The following TRDN variants were observed in gnomAD, a reference collection of about 807,000 sequenced individuals.
The protein encoded by TRDN is triadin.
Under a neutral mutation model 149.7 loss-of-function variants are expected in TRDN, and 161 were observed. The ratio of observed to expected loss-of-function variants is 1.08; its 90% CI spans 0.95 to 1.23. The LOEUF (loss-of-function observed/expected upper bound fraction) is 1.23. TRDN is among the 50% of genes most tolerant of loss of function. TRDN has a pLI of 0.00. For missense variants in TRDN, 896 were observed against 823.5 expected (o/e 1.09, Z -1.08); for synonymous variants, 294 against 250.5 (o/e 1.17, Z -1.64).
intron 21 of TRDN, chr6:123,351,226 T>C (rs981197647): frequency 1.0e-6 from 1 of 980,454 alleles, no homozygotes; most frequent in East Asian, 1.1e-4. Flanking sequence ...AATGCCTAAG[T>C]ATCTGTTACA....
chr6:123,346,231 C>A (rs1218546493), intron 21 of TRDN, among the ~76,000 whole-genome samples: 2 of 151,960 alleles, frequency 1.3e-5, no homozygotes, highest in African/African-American at 4.8e-5. Flanking sequence ...GAGTTTTTAA[C>A]CATCAATGGG....
chr6:123,257,419 T>C (rs1233728296), intron 35 of TRDN, among the ~76,000 whole-genome samples: 5 of 152,216 alleles, frequency 3.3e-5, no homozygotes, highest in Admixed American at 1.3e-4. Context: ...CCATTGCTTG[T>C]TTTTGTCAGG....
At chr6:123,343,422 T>C (rs1391823077) in intron 21 of TRDN, among the ~76,000 whole-genome samples, 1 of 151,962 alleles carries the variant, frequency 6.6e-6, no homozygotes, top group Non-Finnish European at 1.5e-5. Context: ...ATTCTCATTA[T>C]AGTGTAACTG....
intron 4 of TRDN, among the ~76,000 whole-genome samples, chr6:123,545,447 A>G (rs1049354985): frequency 2.0e-5 from 3 of 151,930 alleles, no homozygotes; most frequent in African/African-American, 7.2e-5. Context: ...CATAAAAAAT[A>G]ATAATTACAA....
intron 9 of TRDN, among the ~76,000 whole-genome samples, chr6:123,478,802 C>T (rs1777616733): frequency 6.6e-6 from 1 of 152,156 alleles, no homozygotes; most frequent in Non-Finnish European, 1.5e-5. Context: ...ATCCTCAAAG[C>T]TTAGCTCTTT....
At chr6:123,601,859 T>C (rs1459190894) in intron 1 of TRDN, among the ~76,000 whole-genome samples, 1 of 152,110 alleles carries the variant, frequency 6.6e-6, no homozygotes, top group Non-Finnish European at 1.5e-5. Context: ...TATCAACTGA[T>C]CTACTTGAGG....
intron 1 of TRDN, among the ~76,000 whole-genome samples, chr6:123,635,872 G>T (rs1258057337): frequency 6.6e-6 from 1 of 151,724 alleles, no homozygotes; most frequent in East Asian, 1.9e-4. Context: ...TAGTTTTGAA[G>T]GTTTCCTTCA....
intron 13 of TRDN, among the ~76,000 whole-genome samples, chr6:123,390,013 A>G (rs1562290825): frequency 1.3e-5 from 2 of 152,228 alleles, no homozygotes; most frequent in Middle Eastern, 3.4e-3. Flanking sequence ...AAATTTTACA[A>G]TTTTCAAAAT....
chr6:123,587,303 G>A (rs1430556085), intron 1 of TRDN, among the ~76,000 whole-genome samples: 4 of 152,156 alleles, frequency 2.6e-5, no homozygotes, highest in Non-Finnish European at 5.9e-5. Flanking sequence ...TGGCGCCAGA[G>A]TTTTGGGTCC....
intron 12 of TRDN, among the ~76,000 whole-genome samples, chr6:123,413,440 G>T (rs999213071): frequency 6.6e-6 from 1 of 152,170 alleles, no homozygotes; most frequent in African/African-American, 2.4e-5. Flanking sequence ...GAAAGTACTG[G>T]TTATAAAAAA....
rs529234448 is a variant in TRDN, at chr6:123,465,928, T to C, written c.854-945A>G. Among the ~76,000 whole-genome samples the C allele has an allele frequency of 3.3e-5, 5 of 152,330 alleles. No homozygotes were observed. In the South Asian group the frequency reaches 1.0e-3, roughly 32 times the overall value. The stretch of plus-strand genomic sequence containing the variant: ...TTTTAGAATTCACCAAAATTAGTTA[T>C]CTATGGTGTAATATGGTTTAGCAAG... On this transcript the variant is annotated intron_variant, in intron 9 of 40. Transcript: ENST00000334268.
At chr6:123,263,443 A>C (rs1185041685) in intron 33 of TRDN, among the ~76,000 whole-genome samples, 1 of 152,080 alleles carries the variant, frequency 6.6e-6, no homozygotes, top group Non-Finnish European at 1.5e-5. Flanking sequence ...CCGATACAGA[A>C]GCTGCAGAAA....
At chr6:123,285,463 C>A (rs1777770091) in intron 24 of TRDN, among the ~76,000 whole-genome samples, 1 of 152,016 alleles carries the variant, frequency 6.6e-6, no homozygotes, top group African/African-American at 2.4e-5. Flanking sequence ...ACAAATGGTG[C>A]TGGGACAATT....
chr6:123,332,563 G>A (rs1186048991), intron 22 of TRDN, among the ~76,000 whole-genome samples: 1 of 151,880 alleles, frequency 6.6e-6, no homozygotes, highest in Non-Finnish European at 1.5e-5. Flanking sequence ...CATATCATGG[G>A]CTCCAGACAC....
chr6:123,278,052 A>G (rs1777439599), intron 26 of TRDN, among the ~76,000 whole-genome samples: 1 of 152,160 alleles, frequency 6.6e-6, no homozygotes, highest in Non-Finnish European at 1.5e-5. Flanking sequence ...AATCAGAGAA[A>G]ATCTTGGTTT....
At chr6:123,426,081 C>A (rs747822264) in intron 12 of TRDN, among the ~76,000 whole-genome samples, 7 of 151,984 alleles carry the variant, frequency 4.6e-5, no homozygotes, top group Non-Finnish European at 1.0e-4. Flanking sequence ...AAGGATTTTT[C>A]ATAGAAGTAT....
At position 123,545,387 on chromosome 6, in the gene TRDN, T is replaced by C. The variant is rs190580801; in HGVS notation, c.424+1953A>G. 5.0e-4 allele frequency among the ~76,000 whole-genome samples: 76 copies of C among 152,040 alleles called. No homozygotes were observed. The East Asian group carries it at 9.5e-3, about 19-fold the overall frequency. The stretch of plus-strand genomic sequence containing the variant: ...AAATGTTTTATAAAATATTACCTAC[T>C]GCTTTAAAGCTCTCATTGCCTCTAT... On this transcript the variant is annotated intron_variant, in intron 4 of 40. Transcript: ENST00000334268.
chr6:123,489,481 C>T (rs1407987542), intron 9 of TRDN: 1 of 151,908 alleles, frequency 6.6e-6, no homozygotes, highest in Non-Finnish European at 1.5e-5. Context: ...ATTAATATTT[C>T]TTGACTTATT....
intron 10 of TRDN, among the ~76,000 whole-genome samples, chr6:123,461,552 A>G (rs1336594663): frequency 6.6e-6 from 1 of 152,136 alleles, no homozygotes; most frequent in Non-Finnish European, 1.5e-5. Context: ...TGTGGGTGAA[A>G]GTAGTGGGAA....
Sources: allele counts gnomAD v4.1 joint callset (sites outside exome capture counted in the v4.1 genomes callset), GRCh38; gene constraint gnomAD v4.1.1; transcripts MANE v1.5; gene names NCBI Gene and HGNC (gene_info 2026-07-23, HGNC 2026-07-21).